Variants in KDM4C observed in about 807,000 individuals in gnomAD.
KDM4C encodes lysine demethylase 4C, also known as lysine-specific demethylase 4C.
A neutral mutation model predicts 129.3 loss-of-function variants in KDM4C; 81 were observed. The observed-to-expected ratio is 0.63, with a 90% CI of 0.52 to 0.75. The LOEUF (loss-of-function observed/expected upper bound fraction) is 0.75, where lower values mean the gene tolerates loss of function less well. Ranked by LOEUF, KDM4C falls within the 30% of genes least tolerant of loss-of-function variation. The pLI, the probability that KDM4C is intolerant of heterozygous loss-of-function variation, is 0.00. For synonymous variants in KDM4C, 573 were observed against 456.1 expected (o/e 1.26, Z -3.26); for missense variants, 1,457 against 1,304.0 (o/e 1.12, Z -1.81).
intron 4 of KDM4C, among the ~76,000 whole-genome samples, chr9:6,819,640 C>T (rs544339908): frequency 1.3e-5 from 2 of 152,218 alleles, no homozygotes; most frequent in South Asian, 4.1e-4. Context: ...CTCAAGACAC[C>T]TAAATTCAAC....
intron 1 of KDM4C, among the ~76,000 whole-genome samples, chr9:6,733,629 A>G (rs1224238516): frequency 6.6e-6 from 1 of 152,192 alleles, no homozygotes; most frequent in Non-Finnish European, 1.5e-5. Flanking sequence ...CCCGATCCAG[A>G]CCCCAAGAGA....
At chr9:6,898,244 A>C (rs893908927) in intron 8 of KDM4C, among the ~76,000 whole-genome samples, 1 of 152,244 alleles carries the variant, frequency 6.6e-6, no homozygotes, top group Non-Finnish European at 1.5e-5. Context: ...GTGTTTCAGC[A>C]GCCTCAAGCA....
At chr9:6,787,292 G>C (rs1825690362) in intron 1 of KDM4C, among the ~76,000 whole-genome samples, 2 of 152,202 alleles carry the variant, frequency 1.3e-5, no homozygotes, top group South Asian at 4.1e-4. Context: ...GAGTGCAGTG[G>C]CACCGTCTTG....
At chr9:6,824,253 G>T (rs1833514580) in intron 4 of KDM4C, among the ~76,000 whole-genome samples, 1 of 152,188 alleles carries the variant, frequency 6.6e-6, no homozygotes, top group African/African-American at 2.4e-5. Context: ...TGAGTTCATT[G>T]GTGACAGGTG....
chr9:7,085,918 G>A (rs1835060486), intron 17 of KDM4C, among the ~76,000 whole-genome samples: 1 of 152,120 alleles, frequency 6.6e-6, no homozygotes, highest in Non-Finnish European at 1.5e-5. Context: ...CACTTTGGGA[G>A]GCCGAGGCAG....
chr9:7,074,170 T>G (rs1471597308), intron 17 of KDM4C, among the ~76,000 whole-genome samples: 3 of 152,138 alleles, frequency 2.0e-5, no homozygotes, highest in Admixed American at 6.5e-5. Flanking sequence ...CAAATTTTTT[T>G]TTTTTCTTTC....
In KDM4C at chr9:6,867,773, ATG is replaced by A. The variant is rs1842271846; in HGVS notation, c.630-12238_630-12237del. Among the ~76,000 whole-genome samples, 3 of 152,334 alleles carry A rather than the reference ATG, an allele frequency of 2.0e-5. No homozygotes were observed. In the East Asian group the frequency reaches 5.8e-4, roughly 29 times the overall value. ...ACCATGAACATGTGAACTTGACAGA[ATG>A]GCTTCTACTTATGAAACTTACTAAC... On this transcript the variant is annotated intron_variant, in intron 5 of 21. Coordinates refer to ENST00000381309, the MANE Select transcript of KDM4C (RefSeq NM_015061.6).
chr9:6,783,479 A>G (rs1036803692), intron 1 of KDM4C, among the ~76,000 whole-genome samples: 1 of 152,118 alleles, frequency 6.6e-6, no homozygotes, highest in African/African-American at 2.4e-5. Flanking sequence ...CCCATGTAGC[A>G]TTTTTCCGAG....
At chr9:6,991,812 C>T (rs1818800887) in intron 12 of KDM4C, among the ~76,000 whole-genome samples, 1 of 152,188 alleles carries the variant, frequency 6.6e-6, no homozygotes, top group Admixed American at 6.5e-5. Flanking sequence ...GAGGTGGGAG[C>T]ATTGCTTGAG....
chr9:6,854,122 A>G (rs1445539435), intron 5 of KDM4C, among the ~76,000 whole-genome samples: 1 of 152,200 alleles, frequency 6.6e-6, no homozygotes, highest in African/African-American at 2.4e-5. Flanking sequence ...GATTAAAAAA[A>G]AATGTGATTC....
intron 4 of KDM4C, among the ~76,000 whole-genome samples, chr9:6,821,378 A>G (rs1305627156): frequency 6.6e-6 from 1 of 152,132 alleles, no homozygotes; most frequent in African/African-American, 2.4e-5. Flanking sequence ...CCTCTCCAGC[A>G]TCTGTTGTTT....
intron 19 of KDM4C, among the ~76,000 whole-genome samples, chr9:7,140,818 A>G (rs527965990): frequency 1.3e-5 from 2 of 152,362 alleles, no homozygotes; most frequent in Admixed American, 6.5e-5. Context: ...TGTATAAAAG[A>G]TGTGCTTCGA....
At chr9:6,837,891 G>T (rs1836182652) in intron 4 of KDM4C, among the ~76,000 whole-genome samples, 1 of 151,700 alleles carries the variant, frequency 6.6e-6, no homozygotes, top group Admixed American at 6.6e-5. Context: ...ATTGTTCCTG[G>T]ACTGATTAGA....
At chr9:6,860,857 C>A (rs1484800614) in intron 5 of KDM4C, among the ~76,000 whole-genome samples, 3 of 152,114 alleles carry the variant, frequency 2.0e-5, no homozygotes, top group Admixed American at 2.0e-4. Context: ...TGTCTGGGCT[C>A]CTTGCTTAAA....
At chr9:6,796,656 C>G (rs1006863943) in intron 2 of KDM4C, among the ~76,000 whole-genome samples, 2 of 152,194 alleles carry the variant, frequency 1.3e-5, no homozygotes, top group Admixed American at 6.5e-5. Context: ...ACAAAACACA[C>G]CTGAGTCCAG....
At chr9:6,782,906 A>G (rs1438949623) in intron 1 of KDM4C, among the ~76,000 whole-genome samples, 1 of 152,174 alleles carries the variant, frequency 6.6e-6, no homozygotes, top group Non-Finnish European at 1.5e-5. Context: ...GTCACTCGGG[A>G]TAGTAATAGT....
chr9:7,064,460 A>G (rs1832138684), intron 17 of KDM4C, among the ~76,000 whole-genome samples: 1 of 152,156 alleles, frequency 6.6e-6, no homozygotes, highest in Non-Finnish European at 1.5e-5. Flanking sequence ...GTGAAAGATG[A>G]TTTTAGCATG....
chr9:6,839,947 A>G (rs1487849982), intron 4 of KDM4C, among the ~76,000 whole-genome samples: 2 of 151,454 alleles, frequency 1.3e-5, no homozygotes, highest in Non-Finnish European at 2.9e-5. Flanking sequence ...GAGAAACACC[A>G]TGTCACAATG....
intron 8 of KDM4C, among the ~76,000 whole-genome samples, chr9:6,905,835 TGC>T (rs1300257275): frequency 1.3e-5 from 2 of 152,186 alleles, no homozygotes; most frequent in Non-Finnish European, 2.9e-5. Context: ...CTGAAAAATG[TGC>T]TGAGCACAGA....
Sources: allele counts gnomAD v4.1 joint callset (sites outside exome capture counted in the v4.1 genomes callset), GRCh38; gene constraint gnomAD v4.1.1; transcripts MANE v1.5; gene names NCBI Gene and HGNC (gene_info 2026-07-23, HGNC 2026-07-21).